The following SETBP1 variants were observed in gnomAD, a reference collection of about 807,000 sequenced individuals.
SETBP1 encodes SET binding protein 1.
In SETBP1, 9 loss-of-function variants were observed where a neutral mutation model predicts 101.0. The ratio of observed to expected loss-of-function variants is 0.09; its 90% CI spans 0.05 to 0.16. The LOEUF (loss-of-function observed/expected upper bound fraction) is 0.16, where lower values mean the gene tolerates loss of function less well. SETBP1 is among the 10% of genes least tolerant of loss of function. SETBP1 has a pLI of 1.00. For synonymous variants in SETBP1, 818 were observed against 788.5 expected, an observed-to-expected ratio of 1.04 and a Z score of -0.63; for missense variants, 1,858 against 2,033.8, an observed-to-expected ratio of 0.91 and a Z score of 1.66.
At chr18:44,729,732 G>A (rs1331675149) in intron 2 of SETBP1, among the ~76,000 whole-genome samples, 2 of 152,172 alleles carry the variant, frequency 1.3e-5, no homozygotes. Flanking sequence ...GGGATAGCTT[G>A]TAAAGTCTTA....
chr18:44,876,695 C>G lies in SETBP1; in HGVS notation c.540+7412C>G, dbSNP rs568103365. On this transcript the variant is annotated intron_variant, in intron 3 of 5. Transcript: ENST00000649279. ...CCCCGGAACCCATTCCCCGCAAAACCCGGTTCTCTCACTCTTCCTTTTCAC... is the reference window on the plus strand; with the variant it reads ...CCCCGGAACCCATTCCCCGCAAAACGCGGTTCTCTCACTCTTCCTTTTCAC... 6.6e-5 allele frequency: 99 copies of G among 1,504,866 alleles called. No individual in the cohort carries two copies. Among genetic ancestry groups the G allele is most frequent in the Non-Finnish European group, 8.5e-5 (96 of 1,125,520 alleles). The allele number at this position is 1,504,866 out of a possible 1,614,324, so 93.2% of individuals were successfully genotyped here. A position where few individuals can be genotyped will look rare whatever the true frequency, so the allele number is the denominator to read the frequency against.
At chr18:44,751,831 G>C (rs1433756152) in intron 2 of SETBP1, among the ~76,000 whole-genome samples, 4 of 152,242 alleles carry the variant, frequency 2.6e-5, no homozygotes, top group Non-Finnish European at 2.9e-5. Context: ...CACAGTTCTG[G>C]TAGCTAGGAA....
At chr18:44,744,784 A>AC (rs1212550727) in intron 2 of SETBP1, among the ~76,000 whole-genome samples, 5 of 63,680 alleles carry the variant, frequency 7.9e-5, no homozygotes, top group African/African-American at 2.3e-4. Context: ...AAAAAAAAAC[A>AC]AAAAAAAAAA....
chr18:44,823,705 A>G (rs1470017920), intron 2 of SETBP1, among the ~76,000 whole-genome samples: 1 of 152,216 alleles, frequency 6.6e-6, no homozygotes, highest in East Asian at 1.9e-4. Context: ...AATAATCTTT[A>G]TTAGCTAAAG....
At chr18:44,976,298 T>C (rs935675968) in intron 4 of SETBP1, among the ~76,000 whole-genome samples, 4 of 152,192 alleles carry the variant, frequency 2.6e-5, no homozygotes, top group African/African-American at 9.7e-5. Context: ...CCTGGGCTGT[T>C]GCAAAGGCCA....
chr18:44,934,301 A>G (rs2070908849), intron 3 of SETBP1, among the ~76,000 whole-genome samples: 1 of 152,148 alleles, frequency 6.6e-6, no homozygotes, highest in African/African-American at 2.4e-5. Flanking sequence ...GGTGCACATC[A>G]GCATGCCCAG....
At chr18:44,830,456 A>C (rs987516468) in intron 2 of SETBP1, among the ~76,000 whole-genome samples, 6 of 152,226 alleles carry the variant, frequency 3.9e-5, no homozygotes, top group Admixed American at 6.5e-5. Context: ...TTTTATTATA[A>C]AATCTTGGCA....
intron 2 of SETBP1, among the ~76,000 whole-genome samples, chr18:44,757,530 A>G (rs1183231353): frequency 6.6e-6 from 1 of 152,210 alleles, no homozygotes; most frequent in African/African-American, 2.4e-5. Flanking sequence ...AGCCTCCACT[A>G]CAGTTAACTG....
rs566228032 is a variant in SETBP1, at chr18:44,745,366, G to C, written c.486+43534G>C. On this transcript the variant is annotated intron_variant, in intron 2 of 5. Transcript: ENST00000649279. ...GGTAGGGAGCAGGTGGAAAAACGCT[G>C]CGGGGCTAGGGGCTGATGACCAAGA... is the stretch of plus-strand genomic sequence containing the variant. Among the ~76,000 whole-genome samples, 3 of 152,234 alleles carry C rather than the reference G, an allele frequency of 2.0e-5. No individual in the cohort carries two copies. In the South Asian group the frequency reaches 6.2e-4, roughly 32 times the overall value.
At chr18:44,720,631 C>T (rs1260614128) in intron 2 of SETBP1, among the ~76,000 whole-genome samples, 1 of 152,050 alleles carries the variant, frequency 6.6e-6, no homozygotes, top group East Asian at 1.9e-4. Context: ...TATGTTGTAC[C>T]CGATGGTGGA....
chr18:44,709,717 C>T (rs1490889229), intron 2 of SETBP1, among the ~76,000 whole-genome samples: 3 of 151,988 alleles, frequency 2.0e-5, no homozygotes, highest in African/African-American at 7.2e-5. Context: ...CTTGGGAGGC[C>T]TGGGCTGTGT....
chr18:44,923,875 T>A (rs758113598), intron 3 of SETBP1, among the ~76,000 whole-genome samples: 1 of 152,068 alleles, frequency 6.6e-6, no homozygotes, highest in Non-Finnish European at 1.5e-5. Context: ...GTGTGTGCAG[T>A]CTAGAAGACA....
intron 4 of SETBP1, among the ~76,000 whole-genome samples, chr18:45,038,255 C>T (rs1432514008): frequency 6.6e-6 from 1 of 152,212 alleles, no homozygotes; most frequent in Non-Finnish European, 1.5e-5. Context: ...TGTGACCCCA[C>T]CACTTCCAGG....
chr18:44,801,841 TTGTG>T (rs1302595072), intron 2 of SETBP1, among the ~76,000 whole-genome samples: 4 of 58,158 alleles, frequency 6.9e-5, no homozygotes, highest in African/African-American at 1.1e-4. Flanking sequence ...ACTTCCTACG[TTGTG>T]GTAGTTAAAT....
At chr18:44,871,622 A>G (rs1035459988) in intron 3 of SETBP1, 21 of 152,188 alleles carry the variant, frequency 1.4e-4, no homozygotes, top group African/African-American at 4.8e-4. Context: ...TGTGTAGAGT[A>G]GTGACTGTAT....
At chr18:44,801,906 G>A (rs1228330845) in intron 2 of SETBP1, among the ~76,000 whole-genome samples, 3 of 151,830 alleles carry the variant, frequency 2.0e-5, no homozygotes, top group Non-Finnish European at 4.4e-5. Context: ...GTATTTATGG[G>A]GAACCATCTG....
chr18:44,843,777 G>C lies in SETBP1; in HGVS notation c.487-25453G>C, dbSNP rs189529825. Among the ~76,000 whole-genome samples, 14 of 152,294 alleles carry C rather than the reference G, an allele frequency of 9.2e-5. No individual in the cohort carries two copies. In the South Asian group the frequency reaches 1.7e-3, roughly 18 times the overall value. On this transcript the variant is annotated intron_variant, in intron 2 of 5. Coordinates refer to ENST00000649279, the MANE Select transcript of SETBP1 (RefSeq NM_015559.3). ...CATGGTTTATCCATCAGTTTCTCACGTGAGGCTAGGCACACAGTCAGGCTT... is the reference window on the plus strand; with the variant it reads ...CATGGTTTATCCATCAGTTTCTCACCTGAGGCTAGGCACACAGTCAGGCTT...
intron 2 of SETBP1, among the ~76,000 whole-genome samples, chr18:44,755,455 G>C (rs924316238): frequency 6.6e-6 from 1 of 151,910 alleles, no homozygotes; most frequent in Non-Finnish European, 1.5e-5. Flanking sequence ...GCTCCCTCTT[G>C]TTTTCTCTCT....
rs528208511 is a variant in SETBP1 at position 44,973,741 on chromosome 18, G to A, written c.4000+20401G>A. Among the ~76,000 whole-genome samples the A allele has an allele frequency of 1.1e-4, 17 of 152,316 alleles. No homozygotes were observed. In the South Asian group the frequency reaches 3.5e-3, roughly 32 times the overall value. ...GCTCTGAAAGAGGCAAGAAAATGCTGGTAGGGCTGCCTCATGGGGCATGAT... is the reference window on the plus strand; with the variant it reads ...GCTCTGAAAGAGGCAAGAAAATGCTAGTAGGGCTGCCTCATGGGGCATGAT... On this transcript the variant is annotated intron_variant, in intron 4 of 5. Coordinates refer to ENST00000649279, the MANE Select transcript of SETBP1 (RefSeq NM_015559.3).
Sources: allele counts gnomAD v4.1 joint callset (sites outside exome capture counted in the v4.1 genomes callset), GRCh38; gene constraint gnomAD v4.1.1; transcripts MANE v1.5; gene names NCBI Gene and HGNC (gene_info 2026-07-23, HGNC 2026-07-21).